Variants in TCF20 observed in about 807,000 individuals in gnomAD.
The protein encoded by TCF20 is transcription factor 20, also known as SPRE-binding protein.
TCF20 carries 3 observed loss-of-function variants against 148.6 expected under a neutral mutation model. The ratio of observed to expected loss-of-function variants is 0.02; its 90% confidence interval spans 0.01 to 0.05. TCF20 has a LOEUF of 0.05. Ranked by LOEUF, TCF20 falls within the 10% of genes least tolerant of loss-of-function variation. The pLI, the probability that TCF20 is intolerant of heterozygous loss-of-function variation, is 1.00. For missense variants in TCF20, 2,350 were observed against 2,429.3 expected (o/e 0.97, Z 0.69); for synonymous variants, 1,049 against 909.5 (o/e 1.15, Z -2.76).
In TCF20 at chr22:42,210,195, A is replaced by G; in HGVS notation, c.5111T>C (p.Val1704Ala). The G allele has an allele frequency of 6.2e-7, 1 of 1,614,130 alleles. No homozygotes were observed. Among genetic ancestry groups the G allele is most frequent in the South Asian group, 1.1e-5 (1 of 91,064 alleles). Reference sequence around the variant, plus strand: ...GGCCCACTTGCCACACAGACAGCAAACCAGGTGCCCCATAACCGAAGACTC... The same window carrying G: ...GGCCCACTTGCCACACAGACAGCAAGCCAGGTGCCCCATAACCGAAGACTC... ...VTESSVMGHLVCCLCGKWASY... is the reference protein window; with the variant it reads ...VTESSVMGHLACCLCGKWASY... The change falls in exon 2 of 6, where the codon GTT becomes GCT. Residue 1704 changes from valine to alanine, a missense_variant. Physicochemically the swap from Val to Ala is moderately conservative, Grantham distance 64 (BLOSUM62 0). Around this residue, in one of 7 missense-constraint regions of TCF20, gnomAD observed 374 missense variants for 398.3 expected, o/e 0.94. Transcript: ENST00000677622. This position sits in a 1 kb window ranked among gnomAD's most constrained non-coding sequence, Gnocchi z 4.7.
chr22:42,252,304 A>T (rs896743735), intron 1 of TCF20, among the ~76,000 whole-genome samples: 2 of 151,792 alleles, frequency 1.3e-5, no homozygotes, highest in African/African-American at 4.8e-5. Flanking sequence ...GAAAAAAATA[A>T]AAAAAAGAAC....
At chr22:42,301,936 G>C (rs1480844579) in intron 1 of TCF20, among the ~76,000 whole-genome samples, 2 of 152,220 alleles carry the variant, frequency 1.3e-5, no homozygotes, top group Admixed American at 1.3e-4. Flanking sequence ...CCGGGCCCAG[G>C]GCTCGCAAGT....
intron 2 of TCF20, among the ~76,000 whole-genome samples, chr22:42,192,511 G>A (rs960192317): frequency 2.0e-5 from 3 of 152,206 alleles, no homozygotes; most frequent in Non-Finnish European, 4.4e-5. Context: ...GAAGTGGCAA[G>A]TTTTTCAAAG....
intron 1 of TCF20, among the ~76,000 whole-genome samples, chr22:42,303,918 T>C (rs1362139965): frequency 2.1e-5 from 3 of 143,586 alleles, no homozygotes; most frequent in Non-Finnish European, 4.6e-5. Context: ...GAAGAGAGAA[T>C]GGAGAAAGGG....
At chr22:42,270,105 A>G (rs1926520862) in intron 1 of TCF20, 1 of 151,936 alleles carries the variant, frequency 6.6e-6, no homozygotes, top group Admixed American at 6.6e-5. Flanking sequence ...AAGACACCTT[A>G]GCCCTCTGAT....
Position 42,213,924 on chromosome 22 carries a change from G to C in TCF20, c.1382C>G (p.Thr461Ser), listed in dbSNP as rs1921358270. 4 of 1,614,198 alleles carry C rather than the reference G, an allele frequency of 2.5e-6. No homozygotes were observed. Among genetic ancestry groups the C allele is most frequent in the Non-Finnish European group, 3.4e-6 (4 of 1,180,032 alleles). Residue 461 changes from threonine to serine, a missense_variant, in exon 2 of 6, where the codon ACT (threonine) becomes AGT (serine). By Grantham distance (58) the Thr-to-Ser change is moderately conservative (BLOSUM62 1). Coordinates refer to ENST00000677622, the MANE Select transcript of TCF20 (RefSeq NM_001378418.1). ...PGLSSLSALS[T>S]QVANLPNTVQ... ...AGTGTTAGGAAGATTGGCCACTTGA[G>C]TACTCAGAGCACTCAAACTACTCAA...
chr22:42,317,144 GCCAC>G lies in TCF20; in HGVS notation c.-37+26331_-37+26334del, dbSNP rs1927646935. 6.6e-6 allele frequency among the ~76,000 whole-genome samples: 1 copy of G among 152,096 alleles called. No homozygotes were observed. Among genetic ancestry groups the G allele is most frequent in the African/African-American group, 2.4e-5 (1 of 41,412 alleles). On this transcript the variant is annotated intron_variant, in intron 1 of 1. Coordinates refer to the TCF20 transcript ENST00000515426. This position sits in a 1 kb window ranked among gnomAD's most constrained non-coding sequence, Gnocchi z 4.2. The stretch of plus-strand genomic sequence containing the variant: ...GCAGACTGAGCGCTCTGTGTGCTTG[GCCAC>G]GTCTGACTCACCCCACCTTCCCCGC...
At chr22:42,209,586 A>G in intron 2 of TCF20, 65 bp downstream of exon 2, 2 of 1,511,950 alleles carry the variant, frequency 1.3e-6, no homozygotes, top group East Asian at 4.5e-5. Flanking sequence ...AAGAACAAAA[A>G]CATGCAAGAA....
chr22:42,186,860 AC>A (rs1185511053), intron 2 of TCF20, among the ~76,000 whole-genome samples: 1 of 152,244 alleles, frequency 6.6e-6, no homozygotes, highest in Non-Finnish European at 1.5e-5. Flanking sequence ...ACTAATAATG[AC>A]ACACAACTGC....
chr22:42,336,320 C>G (rs911201397), intron 1 of TCF20, among the ~76,000 whole-genome samples: 5 of 152,094 alleles, frequency 3.3e-5, no homozygotes, highest in Non-Finnish European at 7.4e-5. Context: ...TCTCTCCAGG[C>G]CTCAGGCTGG....
chr22:42,190,844 C>A (rs1444515899), intron 2 of TCF20, among the ~76,000 whole-genome samples: 5 of 152,036 alleles, frequency 3.3e-5, no homozygotes. Context: ...TAATTTCTAC[C>A]AAGGTGCCCA....
rs145773896 is a variant in TCF20 at position 42,341,363 on chromosome 22, C to T, written c.-37+2116G>A. Among the ~76,000 whole-genome samples, 340 of 152,258 alleles carry T rather than the reference C, an allele frequency of 2.2e-3. 1 individual carries two copies. The highest frequency in any genetic ancestry group is 7.7e-3 in the African/African-American group (321 of 41,560). On this transcript the variant is annotated intron_variant, in intron 1 of 1. Coordinates refer to the TCF20 transcript ENST00000515426. ...GCCTGACATAACTCTCCCTGTTCCCCGGGAGGACATCAGGGGTGGGCTAGA... is the reference window on the plus strand; with the variant it reads ...GCCTGACATAACTCTCCCTGTTCCCTGGGAGGACATCAGGGGTGGGCTAGA...
rs1926854606 is a variant in TCF20, at chr22:42,279,535, G to A, written c.-37+4292C>T. Among the ~76,000 whole-genome samples, 1 of 152,172 alleles carries A rather than the reference G, an allele frequency of 6.6e-6. No individual in the cohort carries two copies. Among genetic ancestry groups the A allele is most frequent in the Non-Finnish European group, 1.5e-5 (1 of 68,020 alleles). On this transcript the variant is annotated intron_variant, in intron 1 of 5. Coordinates refer to the TCF20 transcript ENST00000359486. The surrounding 1 kb of genome is among the most constrained non-coding windows in gnomAD (Gnocchi z 4.3). ...ATGTGACCTTCGGCAAGCTCCCTAAGCTCCTGAAGCCTCAGCCTTTTCACC... is the reference window on the plus strand; with the variant it reads ...ATGTGACCTTCGGCAAGCTCCCTAAACTCCTGAAGCCTCAGCCTTTTCACC...
At chr22:42,304,737 C>T (rs1270834829) in intron 1 of TCF20, among the ~76,000 whole-genome samples, 1 of 152,056 alleles carries the variant, frequency 6.6e-6, no homozygotes, top group Non-Finnish European at 1.5e-5. Flanking sequence ...TGAGAAGCTG[C>T]AAGTTTTAGC....
chr22:42,267,970 ATGT>A (rs777300214), intron 1 of TCF20, among the ~76,000 whole-genome samples: 19 of 152,120 alleles, frequency 1.2e-4, no homozygotes, highest in African/African-American at 2.9e-4. Flanking sequence ...ACATGGCGAA[ATGT>A]TGTCTCTACT....
intron 1 of TCF20, among the ~76,000 whole-genome samples, chr22:42,321,040 A>C (rs1032436574): frequency 2.0e-5 from 3 of 152,232 alleles, no homozygotes; most frequent in Non-Finnish European, 2.9e-5. Flanking sequence ...TGAGAATTTA[A>C]ATACACAGGA....
chr22:42,335,334 C>T (rs1273399153), intron 1 of TCF20, among the ~76,000 whole-genome samples: 2 of 152,220 alleles, frequency 1.3e-5, no homozygotes. Context: ...TCTGGCACCA[C>T]TCAGCTTTTC....
chr22:42,286,190 C>T (rs192299217), upstream of TCF20, among the ~76,000 whole-genome samples: 170 of 152,350 alleles, frequency 1.1e-3, 1 homozygote, highest in African/African-American at 2.6e-3. Context: ...AGAACTGTAC[C>T]TGTCCCCTCC....
intron 1 of TCF20, among the ~76,000 whole-genome samples, chr22:42,239,457 C>A (rs1924193949): frequency 1.4e-5 from 2 of 139,072 alleles, no homozygotes; most frequent in Admixed American, 7.6e-5. Context: ...GCCTGGGGAA[C>A]AAGAGTGAAA....
Sources: allele counts gnomAD v4.1 joint callset (sites outside exome capture counted in the v4.1 genomes callset), GRCh38; gene constraint gnomAD v4.1.1; regional missense constraint gnomAD v4.1.1; non-coding constraint Gnocchi (gnomAD v3.1); transcripts MANE v1.5; gene names NCBI Gene and HGNC (gene_info 2026-07-23, HGNC 2026-07-21).